Variants in CD4 observed in about 807,000 individuals in gnomAD.
The protein encoded by CD4 is CD4 molecule.
CD4 carries 25 observed loss-of-function variants against 50.5 expected under a neutral mutation model. That is an observed-to-expected ratio of 0.49 (90% CI 0.36 to 0.69). CD4 has a LOEUF of 0.69. Among genes scored for constraint, CD4 ranks in the 30% least tolerant of loss-of-function variants. The probability of loss-of-function intolerance (pLI) is 0.00; values close to 1 mark genes in which losing one functional copy is unlikely to be tolerated. For synonymous variants in CD4, 207 were observed against 221.9 expected, an observed-to-expected ratio of 0.93 and a Z score of 0.60; for missense variants, 456 against 548.5, an observed-to-expected ratio of 0.83 and a Z score of 1.68.
At position 6,801,214 on chromosome 12, in the gene CD4, T is replaced by A. The variant is rs572900567; in HGVS notation, c.214+743T>A. Among the ~76,000 whole-genome samples, 513 of 150,364 alleles carry A rather than the reference T, an allele frequency of 3.4e-3. 1 individual carries two copies. Among genetic ancestry groups the A allele is most frequent in the Non-Finnish European group, 5.8e-3 (391 of 67,556 alleles). The stretch of plus-strand genomic sequence containing the variant: ...TGTCACTATGCCTAGCCAAAAAAAA[T>A]TTTTTTAATTAAAAAAAAAAAGGCC... On this transcript the variant is annotated intron_variant, in intron 3 of 9. Coordinates refer to ENST00000011653, the MANE Select transcript of CD4 (RefSeq NM_000616.5).
chr12:6,818,676 A>G lies in CD4; in HGVS notation c.1278+134A>G. On this transcript the variant is annotated intron_variant, in intron 8 of 9. Coordinates refer to ENST00000011653, the MANE Select transcript of CD4 (RefSeq NM_000616.5). This position sits in a 1 kb window ranked among gnomAD's most constrained non-coding sequence, Gnocchi z 5.0. ...GTAAGTTCCCTTGCTGCCCTGTCCCAGATCCCACTCAAGGGAGAGACAGGA... is the reference window on the plus strand; with the variant it reads ...GTAAGTTCCCTTGCTGCCCTGTCCCGGATCCCACTCAAGGGAGAGACAGGA... 1 of 1,259,864 alleles carries G rather than the reference A, an allele frequency of 7.9e-7. No homozygotes were observed. The highest frequency in any genetic ancestry group is 1.5e-5 in the African/African-American group (1 of 67,800). 78.0% of individuals were successfully genotyped at this position (1,259,864 alleles called of 1,614,324 possible). A position where few individuals can be genotyped will look rare whatever the true frequency, so the allele number is the denominator to read the frequency against.
intron 3 of CD4, among the ~76,000 whole-genome samples, chr12:6,812,477 C>T (rs1172524488): frequency 1.3e-5 from 2 of 152,112 alleles, no homozygotes; most frequent in Admixed American, 1.3e-4. Context: ...GTTGGGCATT[C>T]GAGACCAGCC....
chr12:6,800,026 C>A, intron 1 of CD4, 46 bp from the exon 2 acceptor site: 1 of 941,678 alleles, frequency 1.1e-6, no homozygotes, highest in Non-Finnish European at 1.7e-6. Flanking sequence ...CTGTATACTC[C>A]AGGTCCAGTA....
At chr12:6,793,704 C>CTTTT (rs112059254) in intron 1 of CD4, among the ~76,000 whole-genome samples, 5 of 31,118 alleles carry the variant, frequency 1.6e-4, no homozygotes, top group African/African-American at 3.1e-4. Flanking sequence ...ATCTATCTAT[C>CTTTT]TTTTTTTTTT....
chr12:6,794,775 G>GTTTTTTT lies in CD4; in HGVS notation c.-68+5117_-68+5123dup, dbSNP rs763211966. On this transcript the variant is annotated intron_variant, in intron 1 of 9. Coordinates refer to ENST00000011653, the MANE Select transcript of CD4 (RefSeq NM_000616.5). Reference sequence around the variant, plus strand: ...ATCTAATCTATCTGTCTGTATGTCTGTTTTTTTTTTGTTTTTTTTTTTTTT... The same window carrying GTTTTTTT: ...ATCTAATCTATCTGTCTGTATGTCTGTTTTTTTTTTTTTTTTTGTTTTTTTTTTTTTT... Among the ~76,000 whole-genome samples the GTTTTTTT allele has an allele frequency of 1.2e-3, 134 of 112,452 alleles. 2 individuals are homozygous for GTTTTTTT. Among genetic ancestry groups the GTTTTTTT allele is most frequent in the South Asian group, 2.6e-3 (7 of 2,740 alleles). 73.8% of individuals were successfully genotyped at this position (112,452 alleles called of 152,430 possible). A position where few individuals can be genotyped will look rare whatever the true frequency, so the allele number is the denominator to read the frequency against.
intron 5 of CD4, 97 bp downstream of exon 5, chr12:6,815,089 G>A: frequency 1.2e-6 from 1 of 839,678 alleles, no homozygotes; most frequent in South Asian, 1.6e-5. Flanking sequence ...TCTGGTGCTG[G>A]GAGGTCAGGA....
At chr12:6,806,465 C>T (rs1240716305) in intron 3 of CD4, among the ~76,000 whole-genome samples, 1 of 151,502 alleles carries the variant, frequency 6.6e-6, no homozygotes, top group Non-Finnish European at 1.5e-5. Flanking sequence ...GGCAACAGAG[C>T]GAGACCCTAT....
At chr12:6,811,054 G>C (rs1365224402) in intron 3 of CD4, among the ~76,000 whole-genome samples, 2 of 152,044 alleles carry the variant, frequency 1.3e-5, no homozygotes, top group African/African-American at 4.8e-5. Context: ...TCTGGAAGAG[G>C]AGAGAAAGGA....
chr12:6,814,584 AAG>A (rs1192251453), intron 4 of CD4, 173 bp from the exon 5 acceptor site: 5 of 708,606 alleles, frequency 7.1e-6, no homozygotes, highest in East Asian at 2.6e-5. Context: ...AGGAGGAAAG[AAG>A]AGAGAGAGGA....
At chr12:6,803,393 C>A (rs1363536566) in intron 3 of CD4, among the ~76,000 whole-genome samples, 2 of 152,006 alleles carry the variant, frequency 1.3e-5, no homozygotes, top group South Asian at 2.1e-4. Flanking sequence ...AAGTGATCTA[C>A]CCACCTTGGC....
chr12:6,818,965 GA>G lies in CD4; in HGVS notation c.1346+52del. 1.5e-6 allele frequency: 1 copy of G among 673,190 alleles called. No individual in the cohort carries two copies. The highest frequency in any genetic ancestry group is 2.7e-6 in the Non-Finnish European group (1 of 373,224). 41.7% of individuals were successfully genotyped at this position (673,190 alleles called of 1,614,324 possible). On this transcript the variant is annotated intron_variant, in intron 9 of 9. Coordinates refer to ENST00000011653, the MANE Select transcript of CD4 (RefSeq NM_000616.5). The surrounding 1 kb of genome is among the most constrained non-coding windows in gnomAD (Gnocchi z 5.0). ...GAGAGGGGAAAGGGGGAGGGGGAGG[GA>G]GTTAGAGAGGAGGGGGAGGAAGGGG...
intron 4 of CD4, 83 bp downstream of exon 4, chr12:6,814,383 G>C: frequency 6.9e-7 from 1 of 1,441,772 alleles, no homozygotes; most frequent in Non-Finnish European, 9.4e-7. Flanking sequence ...AATCCAGCCT[G>C]AGCTGGTGAT....
chr12:6,793,494 T>A (rs921915598), intron 1 of CD4, among the ~76,000 whole-genome samples: 3 of 152,288 alleles, frequency 2.0e-5, no homozygotes, highest in African/African-American at 7.2e-5. Context: ...CTCTTCTCAC[T>A]GCAGCCTTCC....
chr12:6,814,714 T>C (rs895780652), intron 4 of CD4, 45 bp from the exon 5 acceptor site: 5 of 1,388,100 alleles, frequency 3.6e-6, no homozygotes, highest in Non-Finnish European at 3.1e-6. Flanking sequence ...GCCCTTCTCC[T>C]TGGGGATGGT....
Position 6,818,125 on chromosome 12 carries a change from TCACACACGCA to T in CD4, c.1157-289_1157-280del, listed in dbSNP as rs1591567058. Among the ~76,000 whole-genome samples the T allele has an allele frequency of 6.8e-6, 1 of 147,140 alleles. No individual in the cohort carries two copies. The highest frequency in any genetic ancestry group is 2.1e-4 in the East Asian group (1 of 4,830). ...GCGCACACACACACATTCACACCAT[TCACACACGCA>T]CACACATGCACACACTCACACATGC... On this transcript the variant is annotated intron_variant, in intron 7 of 9. Coordinates refer to ENST00000011653, the MANE Select transcript of CD4 (RefSeq NM_000616.5). This position sits in a 1 kb window ranked among gnomAD's most constrained non-coding sequence, Gnocchi z 5.0.
At chr12:6,807,499 C>T (rs1214821824) in intron 3 of CD4, among the ~76,000 whole-genome samples, 1 of 152,010 alleles carries the variant, frequency 6.6e-6, no homozygotes, top group Non-Finnish European at 1.5e-5. Context: ...ATTTATATAA[C>T]ATTCTTAAAA....
intron 1 of CD4, among the ~76,000 whole-genome samples, chr12:6,797,786 G>A (rs556411293): frequency 2.2e-4 from 34 of 152,254 alleles, no homozygotes; most frequent in Non-Finnish European, 3.2e-4. Flanking sequence ...CAGTATTGCC[G>A]CCATGATGTC....
intron 4 of CD4, 51 bp downstream of exon 4, chr12:6,814,351 C>T (rs904642300): frequency 6.4e-7 from 1 of 1,566,718 alleles, no homozygotes; most frequent in South Asian, 1.2e-5. Flanking sequence ...TTCCCTTCCC[C>T]ACTACTCCCA....
rs782641398 is a variant in CD4 at position 6,818,426 on chromosome 12, C to G, written c.1162C>G (p.Pro388Ala). Reference sequence around the variant, plus strand: ...CACATTTCTCTCCCTTGCAGTTCTGCCCACATGGTCCACCCCGGTGCAGCC... The same window carrying G: ...CACATTTCTCTCCCTTGCAGTTCTGGCCACATGGTCCACCCCGGTGCAGCC... ...VLLESNIKVL[P>A]TWSTPVQPMA... The change falls in exon 8 of 10, where the codon CCC becomes GCC. Residue 388 changes from proline to alanine, a missense_variant. Pro to Ala is a conservative substitution (Grantham distance 27). Transcript: ENST00000011653. This position sits in a 1 kb window ranked among gnomAD's most constrained non-coding sequence, Gnocchi z 5.0. 1 of 1,612,386 alleles carries G rather than the reference C, an allele frequency of 6.2e-7. No homozygotes were observed. The highest frequency in any genetic ancestry group is 8.5e-7 in the Non-Finnish European group (1 of 1,180,000).
Sources: gnomAD v4.1 joint callset for allele counts (sites outside exome capture counted in the v4.1 genomes callset) on GRCh38, gnomAD v4.1.1 for gene constraint, Gnocchi (gnomAD v3.1) non-coding constraint, MANE v1.5 for transcripts, NCBI Gene and HGNC (gene_info 2026-07-23, HGNC 2026-07-21) for gene names.